TSPAN5: variants seen among roughly 807,000 people sequenced by gnomAD.
The protein encoded by TSPAN5 is tetraspanin-5.
In TSPAN5, 10 loss-of-function variants were observed where a neutral mutation model predicts 37.1. That is an observed-to-expected ratio of 0.27 (90% CI 0.17 to 0.46). TSPAN5 has a LOEUF of 0.46. Ranked by LOEUF, TSPAN5 falls within the 20% of genes least tolerant of loss-of-function variation. The pLI is 1.00. For synonymous variants in TSPAN5, 110 were observed against 118.9 expected (o/e 0.93, Z 0.48); for missense variants, 195 against 326.6 (o/e 0.60, Z 3.11).
chr4:98,557,213 AC>A (rs1428741964), intron 1 of TSPAN5, among the ~76,000 whole-genome samples: 4 of 152,242 alleles, frequency 2.6e-5, no homozygotes, highest in Non-Finnish European at 5.9e-5. Context: ...AACAGAATAC[AC>A]ACTGTATAGT....
intron 1 of TSPAN5, among the ~76,000 whole-genome samples, chr4:98,630,244 G>C (rs1756709760): frequency 6.6e-6 from 1 of 152,190 alleles, no homozygotes. Context: ...AAGCAGAGGA[G>C]GCACCAAACG....
At chr4:98,633,653 G>A (rs1277503822) in intron 1 of TSPAN5, among the ~76,000 whole-genome samples, 1 of 152,188 alleles carries the variant, frequency 6.6e-6, no homozygotes, top group Non-Finnish European at 1.5e-5. Context: ...GAATGGTTTA[G>A]GTTACAATGG....
At chr4:98,484,089 G>A (rs1450610213) in intron 3 of TSPAN5, 1 of 183,392 alleles carries the variant, frequency 5.5e-6, no homozygotes, top group Non-Finnish European at 1.2e-5. Context: ...GCATTTTCCA[G>A]TTCCCCTGGT....
chr4:98,534,433 C>T (rs911533730), intron 1 of TSPAN5, among the ~76,000 whole-genome samples: 3 of 152,060 alleles, frequency 2.0e-5, no homozygotes, highest in South Asian at 2.1e-4. Flanking sequence ...GTTTTACTTC[C>T]AATTATGTGG....
intron 1 of TSPAN5, among the ~76,000 whole-genome samples, chr4:98,623,249 T>C (rs1308523879): frequency 6.6e-6 from 1 of 152,188 alleles, no homozygotes; most frequent in Non-Finnish European, 1.5e-5. Flanking sequence ...GGGAACTGCA[T>C]GAAAAGAATC....
chr4:98,650,199 C>T (rs771472539), intron 1 of TSPAN5, among the ~76,000 whole-genome samples: 3 of 152,142 alleles, frequency 2.0e-5, no homozygotes, highest in Non-Finnish European at 4.4e-5. Flanking sequence ...TCTTATTTTA[C>T]ATCATTCAAG....
chr4:98,589,287 A>G (rs1183419407), intron 1 of TSPAN5, among the ~76,000 whole-genome samples: 1 of 152,178 alleles, frequency 6.6e-6, no homozygotes, highest in East Asian at 1.9e-4. Flanking sequence ...TTGCATTATA[A>G]TATTTCTTAT....
intron 7 of TSPAN5, among the ~76,000 whole-genome samples, chr4:98,474,795 T>G (rs548707560): frequency 6.6e-6 from 1 of 152,090 alleles, no homozygotes; most frequent in South Asian, 2.1e-4. Flanking sequence ...CACTTCAGCC[T>G]GCTGAGTAGC....
chr4:98,608,184 A>G (rs148469647), intron 1 of TSPAN5, among the ~76,000 whole-genome samples: 2 of 152,348 alleles, frequency 1.3e-5, no homozygotes, highest in African/African-American at 4.8e-5. Context: ...TCTAGACTAC[A>G]TCAGGCAGAC....
At chr4:98,564,323 G>A (rs529540920) in intron 1 of TSPAN5, among the ~76,000 whole-genome samples, 1 of 152,256 alleles carries the variant, frequency 6.6e-6, no homozygotes, top group South Asian at 2.1e-4. Context: ...CTTTTCCTGT[G>A]TAAAATCCAT....
intron 1 of TSPAN5, among the ~76,000 whole-genome samples, chr4:98,562,704 C>A (rs1399219204): frequency 6.7e-6 from 1 of 149,830 alleles, no homozygotes; most frequent in Non-Finnish European, 1.5e-5. Context: ...AACAAAAAAA[C>A]AGGATTTAAG....
chr4:98,570,266 G>A (rs1755090721), intron 1 of TSPAN5, among the ~76,000 whole-genome samples: 1 of 152,172 alleles, frequency 6.6e-6, no homozygotes, highest in South Asian at 2.1e-4. Context: ...ACTCTTAGCT[G>A]AGAGATTGCA....
At chr4:98,498,017 TG>T (rs1753254933) in intron 2 of TSPAN5, among the ~76,000 whole-genome samples, 1 of 152,184 alleles carries the variant, frequency 6.6e-6, no homozygotes, top group Non-Finnish European at 1.5e-5. Context: ...CCCGCTCAGG[TG>T]GCAGTCACGT....
At chr4:98,537,730 G>T (rs912821097) in intron 1 of TSPAN5, among the ~76,000 whole-genome samples, 1 of 152,212 alleles carries the variant, frequency 6.6e-6, no homozygotes, top group African/African-American at 2.4e-5. Context: ...TGCATTAGGA[G>T]GTGGCAAGGG....
chr4:98,513,943 A>G (rs1298529630), intron 1 of TSPAN5, among the ~76,000 whole-genome samples: 1 of 152,188 alleles, frequency 6.6e-6, no homozygotes, highest in African/African-American at 2.4e-5. Flanking sequence ...TCTTAAATTG[A>G]CACTTTCAAT....
intron 1 of TSPAN5, among the ~76,000 whole-genome samples, chr4:98,651,622 T>C (rs1757186692): frequency 6.6e-6 from 1 of 152,180 alleles, no homozygotes; most frequent in Non-Finnish European, 1.5e-5. Flanking sequence ...AATTTTCCTA[T>C]TGGTTTAATG....
chr4:98,534,432 C>T (rs1754186225), intron 1 of TSPAN5, among the ~76,000 whole-genome samples: 1 of 152,134 alleles, frequency 6.6e-6, no homozygotes, highest in South Asian at 2.1e-4. Flanking sequence ...TGTTTTACTT[C>T]CAATTATGTG....
intron 7 of TSPAN5, 43 bp downstream of exon 7, chr4:98,476,146 G>A: frequency 6.8e-7 from 1 of 1,471,926 alleles, no homozygotes; most frequent in South Asian, 1.1e-5. Context: ...GCTCTCCCAG[G>A]GCATTATTTC....
chr4:98,655,364 C>T (rs951012091), intron 1 of TSPAN5, among the ~76,000 whole-genome samples: 2 of 152,180 alleles, frequency 1.3e-5, no homozygotes, highest in African/African-American at 4.8e-5. Context: ...ACTCAAGAAA[C>T]TCATTCTGTG....
Sources: gnomAD v4.1 joint callset for allele counts (sites outside exome capture counted in the v4.1 genomes callset) on GRCh38, gnomAD v4.1.1 for gene constraint, MANE v1.5 for transcripts, NCBI Gene and HGNC (gene_info 2026-07-23, HGNC 2026-07-21) for gene names.